NDUFAF5: variants seen among roughly 807,000 people sequenced by gnomAD.
NDUFAF5 encodes the protein NADH:ubiquinone oxidoreductase complex assembly factor 5, also known as arginine-hydroxylase NDUFAF5, mitochondrial.
NDUFAF5 carries 34 observed loss-of-function variants against 48.9 expected under a neutral mutation model. The observed-to-expected ratio is 0.70, with a 90% CI of 0.53 to 0.93. The LOEUF is 0.93. NDUFAF5 is among the 40% of genes least tolerant of loss of function. NDUFAF5 has a pLI of 0.00. For synonymous variants in NDUFAF5, 153 were observed against 150.6 expected (o/e 1.02, Z -0.12); for missense variants, 428 against 427.5 (o/e 1.00, Z -0.01).
At chr20:13,810,769 G>A (rs546651467) in intron 8 of NDUFAF5, among the ~76,000 whole-genome samples, 12 of 152,228 alleles carry the variant, frequency 7.9e-5, no homozygotes, top group African/African-American at 2.9e-4. Flanking sequence ...CCAGTGGAGG[G>A]GTTGACCTTG....
At chr20:13,806,531 A>T (rs1457741876) in intron 7 of NDUFAF5, among the ~76,000 whole-genome samples, 3 of 152,212 alleles carry the variant, frequency 2.0e-5, no homozygotes, top group Admixed American at 6.5e-5. Context: ...TAAAATAAAA[A>T]AAATGGTGCA....
At chr20:13,816,037 G>A (rs1600394820) in intron 8 of NDUFAF5, 1 of 246,472 alleles carries the variant, frequency 4.1e-6, no homozygotes, top group Non-Finnish European at 8.1e-6. Context: ...AGTCATACTT[G>A]CATTATGGCT....
At chr20:13,814,496 G>T (rs930835948) in intron 8 of NDUFAF5, 5 of 1,287,370 alleles carry the variant, frequency 3.9e-6, no homozygotes, top group Middle Eastern at 2.1e-4. Context: ...AATTTTCAAG[G>T]CTTTCACAGT....
chr20:13,804,374 A>G (rs1004118464), intron 7 of NDUFAF5, among the ~76,000 whole-genome samples: 1 of 151,906 alleles, frequency 6.6e-6, no homozygotes, highest in Non-Finnish European at 1.5e-5. Flanking sequence ...TTGGAGAACT[A>G]CTGTCCTAGA....
rs1986930279 is a variant in NDUFAF5, at chr20:13,820,725, A to T, written c.*3515A>T. On this transcript the variant is annotated 3_prime_UTR_variant, in exon 11 of 11. Coordinates refer to ENST00000378106, the MANE Select transcript of NDUFAF5 (RefSeq NM_024120.5). ...AAAAAAAAGTACAATTTTTGTATTG[A>T]TTATGTATTCCTTAAGTAGGAGTGG... The T allele has an allele frequency of 6.6e-6, 1 of 152,096 alleles. No homozygotes were observed. The highest frequency in any genetic ancestry group is 1.5e-5 in the Non-Finnish European group (1 of 68,028). 9.4% of individuals were successfully genotyped at this position (152,096 alleles called of 1,614,324 possible). A position where few individuals can be genotyped will look rare whatever the true frequency, so the allele number is the denominator to read the frequency against.
At chr20:13,793,842 C>T (rs932872882) in intron 4 of NDUFAF5, among the ~76,000 whole-genome samples, 1 of 152,216 alleles carries the variant, frequency 6.6e-6, no homozygotes, top group African/African-American at 2.4e-5. Flanking sequence ...TGAACAATGA[C>T]AAAGGTACTT....
chr20:13,793,359 C>A, intron 4 of NDUFAF5, 132 bp downstream of exon 4: 1 of 855,060 alleles, frequency 1.2e-6, no homozygotes, highest in Non-Finnish European at 1.8e-6. Flanking sequence ...CAGGAAATAT[C>A]AAGAACAAAG....
In NDUFAF5 at chr20:13,793,213, G is replaced by A. The variant is rs1362733212; in HGVS notation, c.361G>A (p.Ala121Thr). 1 of 1,613,536 alleles carries A rather than the reference G, an allele frequency of 6.2e-7. No homozygotes were observed. The highest frequency in any genetic ancestry group is 2.2e-5 in the East Asian group (1 of 44,848). ...TIGKFFQADIAENALKNSSET... is the reference protein window; with the variant it reads ...TIGKFFQADITENALKNSSET... Reference sequence around the variant, plus strand: ...TGGAAAGTTTTTCCAAGCTGACATTGCAGAAAATGCTTTGGTAGGTAGCTT... The same window carrying A: ...TGGAAAGTTTTTCCAAGCTGACATTACAGAAAATGCTTTGGTAGGTAGCTT... Residue 121 changes from alanine to threonine, a missense_variant, in exon 4 of 11, where the codon GCA becomes ACA. Physicochemically the swap from Ala to Thr is moderately conservative, Grantham distance 58. Transcript: ENST00000378106.
intron 7 of NDUFAF5, among the ~76,000 whole-genome samples, chr20:13,806,493 G>A (rs1985031634): frequency 1.3e-5 from 2 of 152,052 alleles, no homozygotes; most frequent in Admixed American, 6.6e-5. Flanking sequence ...TGGGCGCTGG[G>A]TGGCAAAGTG....
At chr20:13,786,461 T>C (rs531908300) in intron 1 of NDUFAF5, among the ~76,000 whole-genome samples, 3 of 152,212 alleles carry the variant, frequency 2.0e-5, no homozygotes, top group Non-Finnish European at 4.4e-5. Context: ...GCCTCGCCAA[T>C]TTGTGAGACT....
At chr20:13,787,063 A>C in intron 1 of NDUFAF5, 1 of 532,714 alleles carries the variant, frequency 1.9e-6, no homozygotes, top group Non-Finnish European at 3.4e-6. Flanking sequence ...CCACATATAT[A>C]TATGTGTGTG....
rs1437211640 is a variant in NDUFAF5 at position 13,816,545 on chromosome 20, A to G, written c.861A>G (p.Arg287=). The stretch of plus-strand genomic sequence containing the variant: ...TGCTGGCAGCTGCGGCAGTGTACAG[A>G]GGTAAGGGGCGACCACTCTTTCACC... ...DTMLAAAAVY[R]EMYRNEDGSV... is the part of the protein sequence containing the mutation. Residue 287 remains arginine, a splice_region_variant and synonymous_variant, in exon 9 of 11, where the codon AGA becomes AGG. Transcript: ENST00000378106. 6.2e-6 allele frequency: 10 copies of G among 1,613,162 alleles called. No individual in the cohort carries two copies. The highest frequency in any genetic ancestry group is 8.5e-6 in the Non-Finnish European group (10 of 1,179,436).
intron 6 of NDUFAF5, among the ~76,000 whole-genome samples, chr20:13,799,338 G>A (rs750399536): frequency 7.2e-5 from 11 of 152,092 alleles, no homozygotes; most frequent in Non-Finnish European, 1.0e-4. Context: ...CCAGTTTCCC[G>A]TTACTGTGCT....
intron 3 of NDUFAF5, among the ~76,000 whole-genome samples, chr20:13,789,239 A>T (rs4813142): frequency 0.77 from 116,260 of 151,574 alleles, 44,692 homozygotes; most frequent in East Asian, 0.89. Context: ...ATCTCGGCTC[A>T]CTGCAACCTC....
chr20:13,785,320 G>C (rs1485178379), intron 1 of NDUFAF5, 30 bp downstream of exon 1: 5 of 1,552,096 alleles, frequency 3.2e-6, no homozygotes, highest in Non-Finnish European at 4.4e-6. Flanking sequence ...GGGCGGCGGG[G>C]CGGGCGACGC....
chr20:13,799,684 G>C (rs984817481), intron 6 of NDUFAF5, among the ~76,000 whole-genome samples: 1 of 144,708 alleles, frequency 6.9e-6, no homozygotes, highest in African/African-American at 2.6e-5. Flanking sequence ...AGACGACAGA[G>C]TGAGACTCTG....
chr20:13,821,106 C>G lies in NDUFAF5; in HGVS notation c.*3896C>G, dbSNP rs559062436. On this transcript the variant is annotated 3_prime_UTR_variant, in exon 11 of 11. Transcript: ENST00000378106. Reference sequence around the variant, plus strand: ...GTGAACACTGATAAGTTACTGTTAACAAATAAGAAAATAATGCTTTGCCAT... The same window carrying G: ...GTGAACACTGATAAGTTACTGTTAAGAAATAAGAAAATAATGCTTTGCCAT... 6.6e-6 allele frequency: 1 copy of G among 152,162 alleles called. No individual in the cohort carries two copies. Among genetic ancestry groups the G allele is most frequent in the Non-Finnish European group, 1.5e-5 (1 of 68,018 alleles). The allele number at this position is 152,162 out of a possible 1,614,324, so 9.4% of individuals were successfully genotyped here. A position where few individuals can be genotyped will look rare whatever the true frequency, so the allele number is the denominator to read the frequency against.
rs897794525 is a variant in NDUFAF5 at position 13,800,615 on chromosome 20, C to CT, written c.520-868dup. ...GCTGGAAAATAAATTGATTACTTCTCTTTAACGAAAGGTAATATGTTACTA... is the reference window on the plus strand; with the variant it reads ...GCTGGAAAATAAATTGATTACTTCTCTTTTAACGAAAGGTAATATGTTACTA... On this transcript the variant is annotated intron_variant, in intron 6 of 10. Coordinates refer to ENST00000378106, the MANE Select transcript of NDUFAF5 (RefSeq NM_024120.5). 5.9e-5 allele frequency among the ~76,000 whole-genome samples: 9 copies of CT among 152,228 alleles called. No individual in the cohort carries two copies. In the South Asian group the frequency reaches 1.0e-3, roughly 17 times the overall value.
chr20:13,788,489 G>A lies in NDUFAF5; in HGVS notation c.264-100G>A, dbSNP rs978222316. The A allele has an allele frequency of 4.5e-6, 4 of 891,310 alleles. No homozygotes were observed. In the Admixed American group the frequency reaches 7.7e-5, roughly 17 times the overall value. 55.2% of individuals were successfully genotyped at this position (891,310 alleles called of 1,614,324 possible). On this transcript the variant is annotated intron_variant, in intron 2 of 10. Coordinates refer to ENST00000378106, the MANE Select transcript of NDUFAF5 (RefSeq NM_024120.5). ...AAAAGGCAGATGATGTAACCTTCTG[G>A]AAGTTGTGTTTACTGGAATGATTTT...
Sources: gnomAD v4.1 joint callset for allele counts (sites outside exome capture counted in the v4.1 genomes callset) on GRCh38, gnomAD v4.1.1 for gene constraint, MANE v1.5 for transcripts, NCBI Gene and HGNC (gene_info 2026-07-23, HGNC 2026-07-21) for gene names.